Variants in RMND5A observed in about 807,000 individuals in gnomAD.
RMND5A encodes the protein required for meiotic nuclear division 5 homolog A.
RMND5A carries 17 observed loss-of-function variants against 49.7 expected under a neutral mutation model. The observed-to-expected ratio is 0.34, with a 90% confidence interval of 0.23 to 0.51. RMND5A has a LOEUF of 0.51. Among genes scored for constraint, RMND5A ranks in the 20% least tolerant of loss-of-function variants. RMND5A has a pLI of 0.96. For synonymous variants in RMND5A, 156 were observed against 167.7 expected, an observed-to-expected ratio of 0.93 and a Z score of 0.54; for missense variants, 255 against 471.3, an observed-to-expected ratio of 0.54 and a Z score of 4.25.
chr2:86,769,983 CCCTGG>C, intron 6 of RMND5A, 35 bp from the exon 7 acceptor site: 1 of 1,501,354 alleles, frequency 6.7e-7, no homozygotes, highest in Non-Finnish European at 9.3e-7. Context: ...GCGGCCTGAC[CCCTGG>C]CCTGGCACTG....
At chr2:86,753,418 T>G in intron 3 of RMND5A, 40 bp from the exon 4 acceptor site, 1 of 1,221,724 alleles carries the variant, frequency 8.2e-7, no homozygotes, top group Non-Finnish European at 1.2e-6. Flanking sequence ...CTTACCCTGA[T>G]TACTGCTAAC....
chr2:86,754,190 A>T (rs1269673901), intron 4 of RMND5A, among the ~76,000 whole-genome samples: 2 of 152,336 alleles, frequency 1.3e-5, no homozygotes, highest in East Asian at 3.9e-4. Context: ...CATATTCTTC[A>T]TTTTATTTTA....
rs950870119 is a variant in RMND5A at position 86,776,054 on chromosome 2, T to G, written c.*2643T>G. The G allele has an allele frequency of 3.3e-5, 5 of 152,244 alleles. No homozygotes were observed. The highest frequency in any genetic ancestry group is 1.2e-4 in the African/African-American group (5 of 41,456). The allele number at this position is 152,244 out of a possible 1,614,324, so 9.4% of individuals were successfully genotyped here. A position where few individuals can be genotyped will look rare whatever the true frequency, so the allele number is the denominator to read the frequency against. On this transcript the variant is annotated 3_prime_UTR_variant, in exon 9 of 9. Coordinates refer to ENST00000283632, the MANE Select transcript of RMND5A (RefSeq NM_022780.4). Reference sequence around the variant, plus strand: ...TCAAAGGCAGAATTTCAGAATGGTTTCTTAAATTTCCTTGGGAACCGTTTC... The same window carrying G: ...TCAAAGGCAGAATTTCAGAATGGTTGCTTAAATTTCCTTGGGAACCGTTTC...
Position 86,765,096 on chromosome 2 carries a change from G to T in RMND5A, c.591G>T (p.Leu197=). 1.2e-6 allele frequency: 2 copies of T among 1,614,074 alleles called. No homozygotes were observed. The highest frequency in any genetic ancestry group is 1.7e-6 in the Non-Finnish European group (2 of 1,179,964). Residue 197 remains leucine, a synonymous_variant, in exon 5 of 9, where the codon CTG becomes CTT. Transcript: ENST00000283632. ...CCTTGGAATTTAAGCTACACAGACT[G>T]TATTTTATTAGCTTGTTAATGGGTG... The part of the protein sequence containing the change: ...NSSLEFKLHR[L]YFISLLMGGT...
At chr2:86,754,653 AC>A (rs1381379693) in intron 4 of RMND5A, among the ~76,000 whole-genome samples, 1 of 151,212 alleles carries the variant, frequency 6.6e-6, no homozygotes, top group Non-Finnish European at 1.5e-5. Context: ...TCCAGCCCCA[AC>A]CCCCCAACCT....
At chr2:86,763,620 A>T (rs1357982709) in intron 4 of RMND5A, among the ~76,000 whole-genome samples, 2 of 152,048 alleles carry the variant, frequency 1.3e-5, no homozygotes, top group African/African-American at 4.8e-5. Flanking sequence ...AACAATTTTT[A>T]AAAAAATTAG....
In RMND5A at chr2:86,765,820, G is replaced by A. The variant is rs761244007; in HGVS notation, c.689-39G>A. 8.1e-6 allele frequency: 13 copies of A among 1,595,322 alleles called. 1 individual carries two copies. In the South Asian group the frequency reaches 1.3e-4, roughly 17 times the overall value. On this transcript the variant is annotated intron_variant, in intron 5 of 8. Transcript: ENST00000283632. ...TTCTTGCTTTTCGCAGCTTATTACT[G>A]CAAGCAAACTAATGCTTTCTTGCTG...
chr2:86,757,118 G>A (rs556347325), intron 4 of RMND5A, among the ~76,000 whole-genome samples: 69 of 147,942 alleles, frequency 4.7e-4, no homozygotes, highest in Non-Finnish European at 8.9e-4. Flanking sequence ...AGGTTGCGGT[G>A]AGCCAAGATC....
At chr2:86,751,855 A>G (rs1681639246) in intron 2 of RMND5A, 41 bp from the exon 3 acceptor site, 2 of 1,587,514 alleles carry the variant, frequency 1.3e-6, no homozygotes, top group East Asian at 4.5e-5. Context: ...GTGGGGTGAA[A>G]ATAATCTATT....
intron 4 of RMND5A, among the ~76,000 whole-genome samples, chr2:86,757,174 C>CAAA (rs60710494): frequency 0.017 from 1,678 of 97,702 alleles, 77 homozygotes; most frequent in Non-Finnish European, 0.024. Context: ...AACTCAGTCT[C>CAAA]AAAAAAAAAA....
intron 5 of RMND5A, 95 bp from the exon 6 acceptor site, chr2:86,765,764 A>C: frequency 1.9e-6 from 2 of 1,065,420 alleles, no homozygotes; most frequent in African/African-American, 3.2e-5. Context: ...TTAATACATT[A>C]TTTTAGGCTG....
At chr2:86,770,409 T>C (rs1337766153) in intron 7 of RMND5A, among the ~76,000 whole-genome samples, 1 of 152,254 alleles carries the variant, frequency 6.6e-6, no homozygotes, top group Non-Finnish European at 1.5e-5. Context: ...CAGTGTGTTC[T>C]GCAGTGCAGT....
At chr2:86,760,602 A>G (rs1672462496) in intron 4 of RMND5A, among the ~76,000 whole-genome samples, 1 of 152,180 alleles carries the variant, frequency 6.6e-6, no homozygotes, top group South Asian at 2.1e-4. Flanking sequence ...CTGCACATCT[A>G]CTGTCAGTTA....
intron 3 of RMND5A, among the ~76,000 whole-genome samples, chr2:86,752,979 A>C (rs1681661873): frequency 6.6e-6 from 1 of 152,210 alleles, no homozygotes; most frequent in Non-Finnish European, 1.5e-5. Flanking sequence ...AAAGACCCAC[A>C]ATTACAGTGG....
intron 2 of RMND5A, among the ~76,000 whole-genome samples, chr2:86,745,319 T>C (rs1681518559): frequency 6.6e-6 from 1 of 152,194 alleles, no homozygotes; most frequent in Non-Finnish European, 1.5e-5. Flanking sequence ...GTAAAATAAC[T>C]GGAAAAATTC....
intron 2 of RMND5A, among the ~76,000 whole-genome samples, chr2:86,747,593 A>G (rs1001220478): frequency 1.3e-5 from 2 of 152,186 alleles, no homozygotes; most frequent in East Asian, 3.8e-4. Flanking sequence ...TTCATACACT[A>G]ATTTTTCTTC....
intron 1 of RMND5A, among the ~76,000 whole-genome samples, chr2:86,728,984 G>A (rs185500077): frequency 0.012 from 1,747 of 151,708 alleles, no homozygotes; most frequent in Middle Eastern, 0.024. Flanking sequence ...TCGATCTCTT[G>A]ACCTCGTAAT....
At chr2:86,745,511 G>A (rs933649356) in intron 2 of RMND5A, among the ~76,000 whole-genome samples, 2 of 152,196 alleles carry the variant, frequency 1.3e-5, no homozygotes, top group Non-Finnish European at 2.9e-5. Context: ...CCTGACTCAT[G>A]TTTAAGATGC....
At position 86,720,819 on chromosome 2, in the gene RMND5A, C is replaced by T. The variant is rs1187312543; in HGVS notation, c.142+10C>T. ...ATCCTGCAGAGCCACGGTAGGGCGG[C>T]CCGCGTGGGCGCGCGGGGCATGGCC... On this transcript the variant is annotated intron_variant, in intron 1 of 8. Transcript: ENST00000283632. The T allele has an allele frequency of 3.2e-6, 5 of 1,576,182 alleles. No individual in the cohort carries two copies. Among genetic ancestry groups the T allele is most frequent in the Non-Finnish European group, 4.3e-6 (5 of 1,162,738 alleles).
Sources: allele counts gnomAD v4.1 joint callset (sites outside exome capture counted in the v4.1 genomes callset), GRCh38; gene constraint gnomAD v4.1.1; transcripts MANE v1.5; gene names NCBI Gene and HGNC (gene_info 2026-07-23, HGNC 2026-07-21).